Variants in RNF7 observed in about 807,000 individuals in gnomAD.
The protein encoded by RNF7 is RING-box protein 2.
A neutral mutation model predicts 17.0 loss-of-function variants in RNF7; 9 were observed. The observed-to-expected ratio is 0.53, with a 90% confidence interval of 0.32 to 0.92. The LOEUF (loss-of-function observed/expected upper bound fraction) is 0.92, where lower values mean the gene tolerates loss of function less well. Ranked by LOEUF, RNF7 falls within the 40% of genes least tolerant of loss-of-function variation. The pLI is 0.04. For synonymous variants in RNF7, 59 were observed against 50.5 expected, an observed-to-expected ratio of 1.17 and a Z score of -0.72; for missense variants, 87 against 145.8, an observed-to-expected ratio of 0.60 and a Z score of 2.08.
At chr3:141,741,496 A>G (rs1365370323) in intron 1 of RNF7, among the ~76,000 whole-genome samples, 2 of 152,208 alleles carry the variant, frequency 1.3e-5, no homozygotes, top group Admixed American at 1.3e-4. Context: ...ATCCAGTGTA[A>G]GAAGAGAAGC....
chr3:141,742,603 T>C (rs1163674835), intron 1 of RNF7: 6 of 1,171,216 alleles, frequency 5.1e-6, no homozygotes, highest in Non-Finnish European at 6.8e-6. Flanking sequence ...TCATCCCCAC[T>C]TAATATATAA....
chr3:141,743,051 A>G, intron 1 of RNF7: 1 of 312,206 alleles, frequency 3.2e-6, no homozygotes, highest in South Asian at 8.4e-5. Context: ...CCCATTCCAA[A>G]CCCTCCCAGT....
In RNF7 at chr3:141,745,330, T is replaced by C; in HGVS notation, c.*53T>C. 8.4e-7 allele frequency: 1 copy of C among 1,194,482 alleles called. No individual in the cohort carries two copies. The highest frequency in any genetic ancestry group is 1.2e-5 in the South Asian group (1 of 81,246). 74.0% of individuals were successfully genotyped at this position (1,194,482 alleles called of 1,614,324 possible). On this transcript the variant is annotated 3_prime_UTR_variant, in exon 3 of 3. Coordinates refer to ENST00000273480, the MANE Select transcript of RNF7 (RefSeq NM_014245.5). ...TTGTTCAGAGCCCTGGTGGATCTTGTAATCCAGTGCCCTACAAAGGCTAGA... is the reference window on the plus strand; with the variant it reads ...TTGTTCAGAGCCCTGGTGGATCTTGCAATCCAGTGCCCTACAAAGGCTAGA...
chr3:141,743,606 A>G, intron 2 of RNF7, 50 bp downstream of exon 2: 1 of 1,327,946 alleles, frequency 7.5e-7, no homozygotes, highest in South Asian at 1.3e-5. Flanking sequence ...GTTTTCTCTC[A>G]GTAGGGATGT....
chr3:141,740,338 A>G (rs1302061732), intron 1 of RNF7, among the ~76,000 whole-genome samples: 1 of 152,214 alleles, frequency 6.6e-6, no homozygotes, highest in Non-Finnish European at 1.5e-5. Flanking sequence ...TCCTCCCCAA[A>G]GGAAAAACAT....
intron 1 of RNF7, 114 bp downstream of exon 1, chr3:141,738,630 T>C: frequency 2.7e-6 from 3 of 1,121,574 alleles, no homozygotes; most frequent in South Asian, 2.0e-5. Flanking sequence ...CCTGGGAGAG[T>C]GGGTGGAGGT....
rs756596471 is a variant in RNF7 at position 141,746,294 on chromosome 3, CTG to C, written c.*1021_*1022del. On this transcript the variant is annotated 3_prime_UTR_variant, in exon 3 of 3. Transcript: ENST00000273480. ...ACCTGGCCCAGATGATATAATTTAA[CTG>C]TGTTTTAGGTAACATGTTAATGAGG... The C allele has an allele frequency of 2.0e-5, 3 of 152,052 alleles. No homozygotes were observed. Among genetic ancestry groups the C allele is most frequent in the African/African-American group, 4.8e-5 (2 of 41,402 alleles). 9.4% of individuals were successfully genotyped at this position (152,052 alleles called of 1,614,324 possible).
intron 2 of RNF7, among the ~76,000 whole-genome samples, chr3:141,744,112 C>T (rs891073112): frequency 1.3e-5 from 2 of 152,070 alleles, no homozygotes; most frequent in African/African-American, 4.8e-5. Context: ...GTGATCAAGT[C>T]TAGATTGCTA....
At chr3:141,744,936 T>C (rs1022558634) in intron 2 of RNF7, among the ~76,000 whole-genome samples, 3 of 152,142 alleles carry the variant, frequency 2.0e-5, no homozygotes, top group Non-Finnish European at 4.4e-5. Flanking sequence ...ACATCACCCA[T>C]AGATTCTAGA....
Position 141,745,382 on chromosome 3 carries a change from T to C in RNF7, c.*105T>C, listed in dbSNP as rs2084460881. 1 of 654,158 alleles carries C rather than the reference T, an allele frequency of 1.5e-6. No individual in the cohort carries two copies. The highest frequency in any genetic ancestry group is 2.1e-5 in the South Asian group (1 of 47,728). 40.5% of individuals were successfully genotyped at this position (654,158 alleles called of 1,614,324 possible). On this transcript the variant is annotated 3_prime_UTR_variant, in exon 3 of 3. Transcript: ENST00000273480. Reference sequence around the variant, plus strand: ...CACTACAGGGGATGAATTCTTCAAATAGGAGCCGATGGATCTGTGGTCCTT... The same window carrying C: ...CACTACAGGGGATGAATTCTTCAAACAGGAGCCGATGGATCTGTGGTCCTT...
chr3:141,747,318 C>T lies in RNF7; in HGVS notation c.*2041C>T, dbSNP rs529654385. 6.6e-6 allele frequency: 1 copy of T among 152,334 alleles called. No homozygotes were observed. Among genetic ancestry groups the T allele is most frequent in the African/African-American group, 2.4e-5 (1 of 41,570 alleles). The allele number at this position is 152,334 out of a possible 1,614,324, so 9.4% of individuals were successfully genotyped here. A position where few individuals can be genotyped will look rare whatever the true frequency, so the allele number is the denominator to read the frequency against. The stretch of plus-strand genomic sequence containing the variant: ...TTTGGGTTCCAATACAAAAGTTAAG[C>T]ATCAAACAGGTTTTTCTTTCCATTT... On this transcript the variant is annotated 3_prime_UTR_variant, in exon 3 of 3. Transcript: ENST00000273480.
At position 141,743,549 on chromosome 3, in the gene RNF7, C is replaced by G. The variant is rs1308233319; in HGVS notation, c.216C>G (p.Asp72Glu). The G allele has an allele frequency of 6.2e-7, 1 of 1,610,228 alleles. No individual in the cohort carries two copies. Among genetic ancestry groups the G allele is most frequent in the Non-Finnish European group, 8.5e-7 (1 of 1,178,284 alleles). ...GTCAAGCTGAAAACAAACAAGAGGA[C>G]TGTGTTGGTATGTTGTAATTTTGTT... Reference protein sequence around the residue: ...LRCQAENKQEDCVVVWGECNH... With the variant: ...LRCQAENKQEECVVVWGECNH... Residue 72 changes from aspartate to glutamate, a missense_variant, in exon 2 of 3, where the codon GAC becomes GAG. Physicochemically the swap from Asp to Glu is conservative, Grantham distance 45. Around this residue, in one of 2 missense-constraint regions of RNF7, gnomAD observed 36 missense variants for 104.7 expected, o/e 0.34. Transcript: ENST00000273480.
At chr3:141,742,291 A>G (rs1015803069) in intron 1 of RNF7, among the ~76,000 whole-genome samples, 6 of 134,312 alleles carry the variant, frequency 4.5e-5, no homozygotes. Context: ...CAGTGGCGCT[A>G]TCTCGGCTCA....
At chr3:141,740,958 ACT>A (rs2084410068) in intron 1 of RNF7, among the ~76,000 whole-genome samples, 2 of 152,056 alleles carry the variant, frequency 1.3e-5, no homozygotes, top group East Asian at 1.9e-4. Context: ...TATGGATAAC[ACT>A]CTCTTCGTTT....
At chr3:141,740,460 T>C (rs1184649855) in intron 1 of RNF7, among the ~76,000 whole-genome samples, 2 of 152,182 alleles carry the variant, frequency 1.3e-5, no homozygotes, top group African/African-American at 4.8e-5. Flanking sequence ...AAATGACACA[T>C]TTCATCATAA....
At chr3:141,742,669 G>A (rs1360119165) in intron 1 of RNF7, 5 of 1,159,266 alleles carry the variant, frequency 4.3e-6, no homozygotes, top group Non-Finnish European at 5.7e-6. Flanking sequence ...TTCGTAATTG[G>A]TCCGAGGCCC....
In RNF7 at chr3:141,738,370, C is replaced by T. The variant is rs746879906; in HGVS notation, c.29C>T (p.Thr10Ile). The change falls in exon 1 of 3, where the codon ACC becomes ATC. Residue 10 changes from threonine to isoleucine, a missense_variant. Physicochemically the swap from Thr to Ile is moderately conservative, Grantham distance 89 (BLOSUM62 -1). Around this residue, in one of 2 missense-constraint regions of RNF7, gnomAD observed 51 missense variants for 41.0 expected, o/e 1.24. Transcript: ENST00000273480. MADVEDGEE[T>I]CALASHSGSS... ...GCCGACGTGGAAGACGGAGAGGAAA[C>T]CTGCGCCCTGGCCTCTCACTCCGGG... 1.2e-4 allele frequency: 184 copies of T among 1,587,078 alleles called. No homozygotes were observed. Among genetic ancestry groups the T allele is most frequent in the South Asian group, 2.2e-4 (19 of 87,524 alleles).
intron 1 of RNF7, among the ~76,000 whole-genome samples, chr3:141,742,492 C>T (rs554278965): frequency 6.6e-6 from 1 of 152,068 alleles, no homozygotes; most frequent in Non-Finnish European, 1.5e-5. Flanking sequence ...TCCCAAAGTG[C>T]TGGGATTACA....
Position 141,738,382 on chromosome 3 carries a change from C to CCT in RNF7, c.45_46dup (p.His16LeufsTer43). On this transcript the variant is annotated frameshift_variant, in exon 1 of 3. Coordinates refer to ENST00000273480, the MANE Select transcript of RNF7 (RefSeq NM_014245.5). LOFTEE classifies it high-confidence loss of function. ...GACGGAGAGGAAACCTGCGCCCTGGCCTCTCACTCCGGGAGCTCAGGCTCC... is the reference window on the plus strand; with the variant it reads ...GACGGAGAGGAAACCTGCGCCCTGGCCTCTCTCACTCCGGGAGCTCAGGCTCC... 1 of 1,597,356 alleles carries CCT rather than the reference C, an allele frequency of 6.3e-7. No individual in the cohort carries two copies. The highest frequency in any genetic ancestry group is 2.3e-5 in the East Asian group (1 of 43,716).
Sources: allele counts gnomAD v4.1 joint callset (sites outside exome capture counted in the v4.1 genomes callset), GRCh38; gene constraint gnomAD v4.1.1; regional missense constraint gnomAD v4.1.1; transcripts MANE v1.5; gene names NCBI Gene and HGNC (gene_info 2026-07-23, HGNC 2026-07-21).